EPHX3: variants seen among roughly 807,000 people sequenced by gnomAD.
EPHX3 encodes the protein epoxide hydrolase 3, also known as abhydrolase domain containing 9.
EPHX3 carries 39 observed loss-of-function variants against 40.2 expected under a neutral mutation model. The observed-to-expected ratio is 0.97, with a 90% confidence interval of 0.75 to 1.27. The LOEUF is 1.27. Among genes scored for constraint, EPHX3 ranks in the 50% most tolerant of loss-of-function variants. The probability of loss-of-function intolerance (pLI) is 0.00; values close to 1 mark genes in which losing one functional copy is unlikely to be tolerated. For synonymous variants in EPHX3, 213 were observed against 209.7 expected, an observed-to-expected ratio of 1.02 and a Z score of -0.14; for missense variants, 442 against 474.0, an observed-to-expected ratio of 0.93 and a Z score of 0.63.
In EPHX3 at chr19:15,231,312, A is replaced by C. The variant is rs751058591; in HGVS notation, c.414T>G (p.Asp138Glu). 1.9e-6 allele frequency: 3 copies of C among 1,613,942 alleles called. No homozygotes were observed. Among genetic ancestry groups the C allele is most frequent in the Non-Finnish European group, 2.5e-6 (3 of 1,180,006 alleles). ...AVDLRGYGPS[D>E]APRDVDCYTI... ...TGTAGCAGTCCACATCCCGAGGTGCATCCGAGGGGCCATAGCCTCGCAAGT... is the reference window on the plus strand; with the variant it reads ...TGTAGCAGTCCACATCCCGAGGTGCCTCCGAGGGGCCATAGCCTCGCAAGT... The change falls in exon 3 of 7, where the codon GAT (aspartate) becomes GAG (glutamate). Residue 138 changes from aspartate (D) to glutamate (E), a missense_variant. Physicochemically the swap from Asp to Glu is conservative, Grantham distance 45. Transcript: ENST00000221730.
rs780966501 is a variant in EPHX3, at chr19:15,231,321, G to A, written c.405C>T (p.Gly135=). Residue 135 remains glycine, a synonymous_variant, in exon 3 of 7, where the codon GGC becomes GGT. Coordinates refer to ENST00000221730, the MANE Select transcript of EPHX3 (RefSeq NM_024794.3). ...CCACATCCCGAGGTGCATCCGAGGG[G>A]CCATAGCCTCGCAAGTCCACAGCCA... is the stretch of plus-strand genomic sequence containing the variant. The part of the protein sequence containing the change: ...HVVAVDLRGY[G]PSDAPRDVDC... The A allele has an allele frequency of 6.2e-7, 1 of 1,613,940 alleles. No homozygotes were observed. The highest frequency in any genetic ancestry group is 8.5e-7 in the Non-Finnish European group (1 of 1,180,010).
intron 6 of EPHX3, 37 bp downstream of exon 6, chr19:15,227,734 C>A: frequency 1.2e-6 from 2 of 1,609,792 alleles, no homozygotes; most frequent in South Asian, 2.2e-5. Context: ...CCTGCCCCTG[C>A]AAATCTCCTG....
rs780136560 is a variant in EPHX3 at position 15,228,018 on chromosome 19, C to T, written c.699G>A (p.Leu233=). The change falls in exon 5 of 7, where the codon CTG becomes CTA. Residue 233 remains leucine, a synonymous_variant. Transcript: ENST00000221730. ...LFQLPWLPEK[L]LSMSDFQILK... The stretch of plus-strand genomic sequence containing the variant: ...GTACCTGAAAGTCAGACATAGACAG[C>T]AGCTTCTCGGGCAGCCAGGGCAGCT... 6.2e-6 allele frequency: 10 copies of T among 1,613,536 alleles called. No individual in the cohort carries two copies. The Admixed American group carries it at 1.2e-4, about 19-fold the overall frequency.
In EPHX3 at chr19:15,227,523, G is replaced by A. The variant is rs147382956; in HGVS notation, c.997C>T (p.Pro333Ser). The A allele has an allele frequency of 2.1e-3, 3,423 of 1,614,112 alleles. 10 individuals are homozygous for A. Among genetic ancestry groups the A allele is most frequent in the Non-Finnish European group, 2.5e-3 (2,951 of 1,180,016 alleles). Residue 333 changes from proline to serine, a missense_variant, in exon 7 of 7, where the codon CCA becomes TCA. Physicochemically the swap from Pro to Ser is moderately conservative, Grantham distance 74. Transcript: ENST00000221730. ...VPGRLEAHILPGIGHWIPQSN... is the reference protein window; with the variant it reads ...VPGRLEAHILSGIGHWIPQSN... ...TGTGGGATCCAATGCCCTATGCCTG[G>A]CAGGATGTGGGCCTCCAAGCGGCCC...
upstream of EPHX3, chr19:15,232,508 AG>A: frequency 8.9e-7 from 1 of 1,127,558 alleles, no homozygotes; most frequent in Non-Finnish European, 1.1e-6. Flanking sequence ...GGCGGGGCCT[AG>A]CAGGTCCTGT....
intron 2 of EPHX3, 59 bp downstream of exon 2, chr19:15,231,717 G>A (rs2047155500): frequency 7.7e-6 from 12 of 1,561,926 alleles, no homozygotes. Flanking sequence ...CCTCTTGGGA[G>A]CCCAAGCTCC....
At position 15,231,879 on chromosome 19, in the gene EPHX3, CCTGAAGCCTGGGGAACCCT is replaced by C. The variant is rs1455687548; in HGVS notation, c.244-37_244-19del. On this transcript the variant is annotated intron_variant, in intron 1 of 6. Transcript: ENST00000221730. ...CCCGAGCTCTAGGGGGAGGGCACAG[CCTGAAGCCTGGGGAACCCT>C]CTCTCCCGAGGCTTGAACCGTCTCG... 6.2e-7 allele frequency: 1 copy of C among 1,613,440 alleles called. No individual in the cohort carries two copies. Among genetic ancestry groups the C allele is most frequent in the Admixed American group, 1.7e-5 (1 of 60,006 alleles).
chr19:15,232,134 G>C lies in EPHX3; in HGVS notation c.78C>G (p.Ser26Arg), dbSNP rs534088623. The C allele has an allele frequency of 4.4e-5, 68 of 1,540,260 alleles. No individual in the cohort carries two copies. In the African/African-American group the frequency reaches 8.3e-4, roughly 19 times the overall value. ...SLKLLRAFMW[S>R]LVFSVALVAA... ...CCACCAGCGCCACCGAGAACACCAG[G>C]CTCCACATGAAGGCGCGCAGCAGCT... Residue 26 changes from serine to arginine, a missense_variant, in exon 1 of 7, where the codon AGC becomes AGG. Coordinates refer to ENST00000221730, the MANE Select transcript of EPHX3 (RefSeq NM_024794.3).
Position 15,232,293 on chromosome 19 carries a change from C to T in EPHX3, c.-82G>A. The T allele has an allele frequency of 5.7e-6, 8 of 1,405,700 alleles. No individual in the cohort carries two copies. Among genetic ancestry groups the T allele is most frequent in the Non-Finnish European group, 6.4e-6 (7 of 1,093,284 alleles). 87.1% of individuals were successfully genotyped at this position (1,405,700 alleles called of 1,614,324 possible). The stretch of plus-strand genomic sequence containing the variant: ...GCGAAGCGGTGTCAGGGCTCAGGGG[C>T]CCATCGCCCTTGGCCTGGGGCCCCT... On this transcript the variant is annotated 5_prime_UTR_variant, in exon 1 of 7. Coordinates refer to ENST00000221730, the MANE Select transcript of EPHX3 (RefSeq NM_024794.3).
At chr19:15,235,614 C>A (rs181687914), upstream of EPHX3, 1 of 151,836 alleles carries the variant, frequency 6.6e-6, no homozygotes, top group African/African-American at 2.4e-5. Context: ...TCTACGAATT[C>A]CCTTCTACAA....
upstream of EPHX3, among the ~76,000 whole-genome samples, chr19:15,235,282 C>A (rs950491790): frequency 6.6e-6 from 1 of 152,124 alleles, no homozygotes; most frequent in Non-Finnish European, 1.5e-5. Flanking sequence ...GCTGGGATTA[C>A]AGATGTGAGC....
chr19:15,232,529 A>G, upstream of EPHX3: 1 of 919,896 alleles, frequency 1.1e-6, no homozygotes, highest in South Asian at 2.7e-5. Flanking sequence ...TGCGGGGCTT[A>G]GGGCCGGGGC....
upstream of EPHX3, chr19:15,235,581 AC>A (rs1364844206): frequency 6.6e-6 from 1 of 151,006 alleles, no homozygotes; most frequent in Non-Finnish European, 1.5e-5. Context: ...AAAAAAAAAA[AC>A]CTTTCGTATG....
At position 15,232,373 on chromosome 19, in the gene EPHX3, A is replaced by G. The variant is rs2047162441; in HGVS notation, c.-162T>C. On this transcript the variant is annotated 5_prime_UTR_variant, in exon 1 of 7. Transcript: ENST00000221730. Reference sequence around the variant, plus strand: ...GAAGGAAGAGGCGGGCGGCTCCGACAGAAAACAGCCAGAGCGCACCACTCA... The same window carrying G: ...GAAGGAAGAGGCGGGCGGCTCCGACGGAAAACAGCCAGAGCGCACCACTCA... 1 of 1,374,334 alleles carries G rather than the reference A, an allele frequency of 7.3e-7. No homozygotes were observed. The highest frequency in any genetic ancestry group is 1.7e-5 in the South Asian group (1 of 59,498). 85.1% of individuals were successfully genotyped at this position (1,374,334 alleles called of 1,614,324 possible). A position where few individuals can be genotyped will look rare whatever the true frequency, so the allele number is the denominator to read the frequency against.
At chr19:15,231,730 C>A (rs777074550) in intron 2 of EPHX3, 46 bp downstream of exon 2, 1 of 1,596,940 alleles carries the variant, frequency 6.3e-7, no homozygotes, top group Admixed American at 1.7e-5. Context: ...CAAGCTCCAC[C>A]TGCCCCCGAG....
chr19:15,229,415 C>T (rs1298276946), intron 4 of EPHX3, among the ~76,000 whole-genome samples: 1 of 151,870 alleles, frequency 6.6e-6, no homozygotes, highest in Non-Finnish European at 1.5e-5. Flanking sequence ...GCCTGGCCAA[C>T]ATGCTGAAAC....
chr19:15,231,027 A>T lies in EPHX3; in HGVS notation c.551T>A (p.Ile184Asn). ...WGALLAWHFS[I>N]YYPSLVERMV... Reference sequence around the variant, plus strand: ...CCGCTCGACCAGGGATGGGTAGTAGATGGAGAAATGCCAGGCAAGGAGGGC... The same window carrying T: ...CCGCTCGACCAGGGATGGGTAGTAGTTGGAGAAATGCCAGGCAAGGAGGGC... Residue 184 changes from isoleucine (I) to asparagine (N), a missense_variant, in exon 4 of 7, where the codon ATC becomes AAC. Physicochemically the swap from Ile to Asn is moderately radical, Grantham distance 149 (BLOSUM62 -3). Transcript: ENST00000221730. 6.2e-7 allele frequency: 1 copy of T among 1,614,100 alleles called. No individual in the cohort carries two copies. The highest frequency in any genetic ancestry group is 8.5e-7 in the Non-Finnish European group (1 of 1,180,028).
chr19:15,228,503 ATTTTTTTTTTTTTTTTTTT>A (rs780716729), intron 4 of EPHX3, among the ~76,000 whole-genome samples: 4 of 62,702 alleles, frequency 6.4e-5, no homozygotes, highest in Admixed American at 5.1e-4. Flanking sequence ...TGTATCTATA[ATTTTTTTTTTTTTTTTTTT>A]TTTTTTTTTT....
rs145301154 is a variant in EPHX3 at position 15,228,671 on chromosome 19, C to T, written c.617-571G>A. On this transcript the variant is annotated intron_variant, in intron 4 of 6. Coordinates refer to ENST00000221730, the MANE Select transcript of EPHX3 (RefSeq NM_024794.3). ...TAGCTGGGACTACAGGCACCCGCCA[C>T]CACGTCCGGCTAATTTTTTTTGTAT... Among the ~76,000 whole-genome samples the T allele has an allele frequency of 3.4e-3, 516 of 151,698 alleles. 2 individuals are homozygous for T. The highest frequency in any genetic ancestry group is 0.012 in the African/African-American group (501 of 41,370).
Sources: allele counts gnomAD v4.1 joint callset (sites outside exome capture counted in the v4.1 genomes callset), GRCh38; gene constraint gnomAD v4.1.1; transcripts MANE v1.5; gene names NCBI Gene and HGNC (gene_info 2026-07-23, HGNC 2026-07-21).